SLAMF6: variants seen among roughly 807,000 people sequenced by gnomAD.
SLAMF6 encodes SLAM family member 6.
A neutral mutation model predicts 38.3 loss-of-function variants in SLAMF6; 21 were observed. That is an observed-to-expected ratio of 0.55 (90% CI 0.39 to 0.79). SLAMF6 has a LOEUF of 0.79. Ranked by LOEUF, SLAMF6 falls within the 30% of genes least tolerant of loss-of-function variation. SLAMF6 has a pLI of 0.00. For missense variants in SLAMF6, 341 were observed against 385.3 expected (o/e 0.89, Z 0.96); for synonymous variants, 152 against 146.3 (o/e 1.04, Z -0.28).
At position 160,492,417 on chromosome 1, in the gene SLAMF6, G is replaced by A. The variant is rs774242659; in HGVS notation, c.383-1029C>T. Reference sequence around the variant, plus strand: ...TGTAATTTACTGGCTACATGACCACGGACAAATTATTGCTATATCCAAGCC... The same window carrying A: ...TGTAATTTACTGGCTACATGACCACAGACAAATTATTGCTATATCCAAGCC... On this transcript the variant is annotated intron_variant, in intron 2 of 7. Coordinates refer to ENST00000368057, the MANE Select transcript of SLAMF6 (RefSeq NM_001184714.2). Among the ~76,000 whole-genome samples, 10 of 152,166 alleles carry A rather than the reference G, an allele frequency of 6.6e-5. No homozygotes were observed. In the South Asian group the frequency reaches 1.0e-3, roughly 16 times the overall value.
rs541179109 is a variant in SLAMF6, at chr1:160,521,841, G to A, written c.49+1303C>T. Among the ~76,000 whole-genome samples, 27 of 152,094 alleles carry A rather than the reference G, an allele frequency of 1.8e-4. No homozygotes were observed. In the South Asian group the frequency reaches 4.8e-3, roughly 27 times the overall value. On this transcript the variant is annotated intron_variant, in intron 1 of 7. Coordinates refer to ENST00000368057, the MANE Select transcript of SLAMF6 (RefSeq NM_001184714.2). ...CTATCCTGTCTGAAATTTCACTGCC[G>A]TCTTTACCATATTTCATCTCTCCCT...
intron 1 of SLAMF6, among the ~76,000 whole-genome samples, chr1:160,517,502 G>A (rs1654798581): frequency 6.6e-6 from 1 of 152,026 alleles, no homozygotes; most frequent in Admixed American, 6.5e-5. Flanking sequence ...CCCATTTCTG[G>A]GTATATACCC....
At chr1:160,490,756 G>A in intron 3 of SLAMF6, 71 bp from the exon 4 acceptor site, 2 of 1,569,528 alleles carry the variant, frequency 1.3e-6, no homozygotes, top group Non-Finnish European at 1.7e-6. Context: ...AGCCTCCGTG[G>A]AGCCTCTTCT....
chr1:160,502,581 T>G (rs1167540655), intron 1 of SLAMF6, among the ~76,000 whole-genome samples: 4 of 152,190 alleles, frequency 2.6e-5, no homozygotes, highest in Non-Finnish European at 5.9e-5. Context: ...AAGGGTTACC[T>G]GATTAGTGGA....
At chr1:160,498,384 T>C (rs1446791695) in intron 1 of SLAMF6, among the ~76,000 whole-genome samples, 2 of 152,128 alleles carry the variant, frequency 1.3e-5, no homozygotes, top group Non-Finnish European at 2.9e-5. Flanking sequence ...TAGTAATTTA[T>C]AAAGGAAAGA....
rs1179276021 is a variant in SLAMF6 at position 160,491,437 on chromosome 1, T to C, written c.383-49A>G. 3 of 1,576,450 alleles carry C rather than the reference T, an allele frequency of 1.9e-6. No individual in the cohort carries two copies. The Admixed American group carries it at 5.5e-5, about 29-fold the overall frequency. ...CCAGATTAAGGACAAATGTCTTGGC[T>C]CAACCCCCTGTGAAAAATATCCTTC... On this transcript the variant is annotated intron_variant, in intron 2 of 7. Transcript: ENST00000368057.
chr1:160,505,551 G>A (rs114831947), intron 1 of SLAMF6, among the ~76,000 whole-genome samples: 3,794 of 152,186 alleles, frequency 0.025, 81 homozygotes, highest in Non-Finnish European at 0.039. Context: ...ACAGGCACAT[G>A]CCACCATCCC....
chr1:160,498,258 T>C (rs1474565128), intron 1 of SLAMF6, among the ~76,000 whole-genome samples: 2 of 152,170 alleles, frequency 1.3e-5, no homozygotes, highest in South Asian at 2.1e-4. Flanking sequence ...TGTATTAGTG[T>C]ATTCTGAATT....
intron 1 of SLAMF6, among the ~76,000 whole-genome samples, chr1:160,521,580 A>G (rs193185772): frequency 6.6e-6 from 1 of 152,192 alleles, no homozygotes; most frequent in East Asian, 1.9e-4. Context: ...TGCATTTTAT[A>G]TATATTTCCC....
intron 1 of SLAMF6, among the ~76,000 whole-genome samples, chr1:160,515,877 G>A (rs78618660): frequency 0.034 from 5,206 of 152,180 alleles, 340 homozygotes; most frequent in African/African-American, 0.12. Flanking sequence ...AGACATTTAT[G>A]ACAAACCAAC....
intron 1 of SLAMF6, among the ~76,000 whole-genome samples, chr1:160,520,584 G>T (rs982416843): frequency 6.6e-6 from 1 of 152,042 alleles, no homozygotes; most frequent in South Asian, 2.1e-4. Flanking sequence ...AGAAACAAAC[G>T]AGATTTATTT....
intron 1 of SLAMF6, among the ~76,000 whole-genome samples, chr1:160,519,804 T>C (rs927095172): frequency 1.3e-5 from 2 of 151,398 alleles, no homozygotes; most frequent in Non-Finnish European, 3.0e-5. Flanking sequence ...GAGGGGAGAA[T>C]GGGAAATGAC....
intron 1 of SLAMF6, among the ~76,000 whole-genome samples, chr1:160,517,721 G>A (rs1040944016): frequency 6.6e-6 from 1 of 152,156 alleles, no homozygotes; most frequent in African/African-American, 2.4e-5. Context: ...GATGAAGCTG[G>A]AAGCCATTAT....
At chr1:160,509,407 G>T (rs146930695) in intron 1 of SLAMF6, among the ~76,000 whole-genome samples, 1,903 of 151,428 alleles carry the variant, frequency 0.013, 55 homozygotes, top group East Asian at 0.11. Flanking sequence ...CACAAGGACA[G>T]AAAACCAAAC....
rs749091038 is a variant in SLAMF6, at chr1:160,486,727, C to T, written c.979G>A (p.Ala327Thr). The T allele has an allele frequency of 9.3e-6, 15 of 1,613,696 alleles. No individual in the cohort carries two copies. The South Asian group carries it at 1.4e-4, about 15-fold the overall frequency. The change falls in exon 8 of 8, where the codon GCC becomes ACC. Residue 327 changes from alanine (A) to threonine (T), a missense_variant. Coordinates refer to ENST00000368057, the MANE Select transcript of SLAMF6 (RefSeq NM_001184714.2). ...ESKPTFSRATALDNVV is the reference protein window; with the variant it reads ...ESKPTFSRATTLDNVV ...GCAACTTACACGACATTGTCAAGGG[C>T]AGTTGCCCTGGAAAAAGTGGGTTTA...
chr1:160,522,809 G>T (rs1655044458), intron 1 of SLAMF6, among the ~76,000 whole-genome samples: 1 of 152,038 alleles, frequency 6.6e-6, no homozygotes, highest in South Asian at 2.1e-4. Context: ...TGGTATGAGG[G>T]CCCATTTTCT....
intron 2 of SLAMF6, among the ~76,000 whole-genome samples, chr1:160,495,653 TA>T (rs1417889537): frequency 6.6e-6 from 1 of 152,226 alleles, no homozygotes; most frequent in Non-Finnish European, 1.5e-5. Context: ...CTACCATTAC[TA>T]TCTCTGTGAC....
At chr1:160,497,645 C>G (rs1459036686) in intron 1 of SLAMF6, among the ~76,000 whole-genome samples, 1 of 152,106 alleles carries the variant, frequency 6.6e-6, no homozygotes, top group African/African-American at 2.4e-5. Flanking sequence ...CCTTCCCCCT[C>G]TAGTAGTCCA....
rs1313065220 is a variant in SLAMF6 at position 160,486,609 on chromosome 1, T to G, written c.*98A>C. 2 of 1,283,446 alleles carry G rather than the reference T, an allele frequency of 1.6e-6. No homozygotes were observed. The highest frequency in any genetic ancestry group is 2.2e-6 in the Non-Finnish European group (2 of 889,498). The allele number at this position is 1,283,446 out of a possible 1,614,324, so 79.5% of individuals were successfully genotyped here. Reference sequence around the variant, plus strand: ...CCTATCCTAGATATTCAAATTCTGTTGCCAGGAACAACAGGAACCAAGCTT... The same window carrying G: ...CCTATCCTAGATATTCAAATTCTGTGGCCAGGAACAACAGGAACCAAGCTT... On this transcript the variant is annotated 3_prime_UTR_variant, in exon 8 of 8. Transcript: ENST00000368057.
Sources: allele counts gnomAD v4.1 joint callset (sites outside exome capture counted in the v4.1 genomes callset), GRCh38; gene constraint gnomAD v4.1.1; transcripts MANE v1.5; gene names NCBI Gene and HGNC (gene_info 2026-07-23, HGNC 2026-07-21).